STK32B: variants seen among roughly 807,000 people sequenced by gnomAD.
STK32B encodes the protein serine/threonine-protein kinase 32B.
A neutral mutation model predicts 52.6 loss-of-function variants in STK32B; 43 were observed. That is an observed-to-expected ratio of 0.82 (90% CI 0.64 to 1.05). STK32B has a LOEUF of 1.05. Ranked by LOEUF, STK32B falls within the 50% of genes least tolerant of loss-of-function variation. The pLI is 0.00. For synonymous variants in STK32B, 238 were observed against 204.3 expected, an observed-to-expected ratio of 1.17 and a Z score of -1.41; for missense variants, 621 against 534.6, an observed-to-expected ratio of 1.16 and a Z score of -1.59.
At chr4:5,330,939 G>C (rs1037783416) in intron 3 of STK32B, among the ~76,000 whole-genome samples, 2 of 152,182 alleles carry the variant, frequency 1.3e-5, no homozygotes, top group Non-Finnish European at 2.9e-5. Flanking sequence ...GAGTCCAGTA[G>C]TAGTTAAACT....
intron 3 of STK32B, among the ~76,000 whole-genome samples, chr4:5,320,108 T>A (rs976745369): frequency 8.5e-5 from 13 of 152,158 alleles, no homozygotes; most frequent in African/African-American, 2.9e-4. Context: ...TAGACGTCTC[T>A]TCCCCTTCAG....
intron 2 of STK32B, among the ~76,000 whole-genome samples, chr4:5,144,826 AT>A (rs1560175602): frequency 0.017 from 2,548 of 149,774 alleles, 65 homozygotes; most frequent in African/African-American, 0.058. Flanking sequence ...CCATCCATCC[AT>A]CCATCCAACA....
intron 6 of STK32B, among the ~76,000 whole-genome samples, chr4:5,423,430 G>T (rs950375201): frequency 2.6e-5 from 4 of 152,176 alleles, no homozygotes; most frequent in African/African-American, 4.8e-5. Context: ...TCAGCCTCAG[G>T]AGGTTGCTTT....
chr4:5,249,100 A>G (rs1725686983), intron 3 of STK32B, among the ~76,000 whole-genome samples: 1 of 152,154 alleles, frequency 6.6e-6, no homozygotes, highest in Admixed American at 6.5e-5. Flanking sequence ...AAATAAAGAT[A>G]CTATGCCTTT....
intron 3 of STK32B, among the ~76,000 whole-genome samples, chr4:5,312,688 G>A (rs181548227): frequency 0.037 from 5,650 of 151,704 alleles, 121 homozygotes; most frequent in African/African-American, 0.057. Flanking sequence ...GTCTATCATT[G>A]TTGGACATTT....
At chr4:5,349,658 A>G (rs1733702209) in intron 4 of STK32B, among the ~76,000 whole-genome samples, 1 of 152,234 alleles carries the variant, frequency 6.6e-6, no homozygotes, top group African/African-American at 2.4e-5. Flanking sequence ...AAATGTATTG[A>G]ATCCTAAAAA....
chr4:5,455,813 G>A (rs114005311), intron 7 of STK32B, among the ~76,000 whole-genome samples: 1,716 of 152,252 alleles, frequency 0.011, 41 homozygotes, highest in African/African-American at 0.039. Context: ...CCACAGCTTC[G>A]TGGAGGAGAC....
chr4:5,086,281 A>G (rs1300515214), intron 1 of STK32B, among the ~76,000 whole-genome samples: 1 of 152,218 alleles, frequency 6.6e-6, no homozygotes, highest in East Asian at 1.9e-4. Flanking sequence ...AGGCTAAGGC[A>G]GAGCTGTCAA....
chr4:5,221,989 T>C lies in STK32B; in HGVS notation c.260+53539T>C, dbSNP rs376205268. 5.6e-4 allele frequency among the ~76,000 whole-genome samples: 86 copies of C among 152,246 alleles called. 1 individual carries two copies. The East Asian group carries it at 0.016, about 28-fold the overall frequency. ...CCCTTATAAAAGAGGTTTCACACAG[T>C]GGTCAGCTAGCTTGAACTTCTGCCT... On this transcript the variant is annotated intron_variant, in intron 3 of 11. Transcript: ENST00000282908.
chr4:5,375,016 G>GAA (rs1735494150), intron 4 of STK32B, among the ~76,000 whole-genome samples: 1 of 152,178 alleles, frequency 6.6e-6, no homozygotes, highest in Non-Finnish European at 1.5e-5. Context: ...AATTTCTAGA[G>GAA]AAGAACCTTC....
intron 9 of STK32B, among the ~76,000 whole-genome samples, chr4:5,465,114 C>T (rs1363216103): frequency 2.0e-5 from 3 of 152,028 alleles, no homozygotes; most frequent in Admixed American, 6.6e-5. Context: ...AGGATGAGGC[C>T]CAGCCTCTAG....
chr4:5,133,259 T>C (rs1450213005), intron 1 of STK32B, among the ~76,000 whole-genome samples: 2 of 152,228 alleles, frequency 1.3e-5, no homozygotes, highest in East Asian at 3.8e-4. Flanking sequence ...TTTCAACAAG[T>C]GTATACCCAC....
intron 11 of STK32B, among the ~76,000 whole-genome samples, chr4:5,471,693 A>G (rs539203018): frequency 6.6e-6 from 1 of 152,182 alleles, no homozygotes; most frequent in South Asian, 2.1e-4. Context: ...GCGTTTTAAT[A>G]TGTCCCACAA....
chr4:5,317,318 A>AT (rs1731112553), intron 3 of STK32B, among the ~76,000 whole-genome samples: 1 of 48,216 alleles, frequency 2.1e-5, no homozygotes, highest in African/African-American at 1.6e-4. Flanking sequence ...TAACATATGT[A>AT]TAATATATAT....
intron 6 of STK32B, among the ~76,000 whole-genome samples, chr4:5,440,128 C>T (rs962575630): frequency 1.3e-5 from 2 of 151,968 alleles, no homozygotes; most frequent in Non-Finnish European, 2.9e-5. Context: ...TAGTTTTTTC[C>T]AATTCTGTGA....
intron 3 of STK32B, among the ~76,000 whole-genome samples, chr4:5,300,465 C>T (rs1040921756): frequency 6.6e-6 from 1 of 152,004 alleles, no homozygotes; most frequent in African/African-American, 2.4e-5. Flanking sequence ...GAAAATGCAT[C>T]CAAATAGAAA....
the STK32B span, among the ~76,000 whole-genome samples, chr4:5,042,033 A>C: frequency 6.6e-6 from 1 of 152,216 alleles, no homozygotes; most frequent in Non-Finnish European, 1.5e-5. Context: ...GTGTTACATA[A>C]AATTAAATGT....
chr4:5,376,223 A>G (rs1735575863), intron 4 of STK32B, among the ~76,000 whole-genome samples: 1 of 152,100 alleles, frequency 6.6e-6, no homozygotes, highest in Non-Finnish European at 1.5e-5. Context: ...TGCTTTTTAA[A>G]CACGTGCTAT....
intron 1 of STK32B, among the ~76,000 whole-genome samples, chr4:5,103,630 C>T (rs1271883342): frequency 2.0e-5 from 3 of 152,120 alleles, no homozygotes; most frequent in East Asian, 3.9e-4. Flanking sequence ...TCTAAATACA[C>T]GCTGAGAAAC....
Sources: gnomAD v4.1 joint callset for allele counts (sites outside exome capture counted in the v4.1 genomes callset) on GRCh38, gnomAD v4.1.1 for gene constraint, MANE v1.5 for transcripts, NCBI Gene and HGNC (gene_info 2026-07-23, HGNC 2026-07-21) for gene names.